Variants in RAP1A observed in about 807,000 individuals in gnomAD.
RAP1A encodes ras-related protein Rap-1A.
A neutral mutation model predicts 26.4 loss-of-function variants in RAP1A; 6 were observed. The observed-to-expected ratio is 0.23, with a 90% CI of 0.12 to 0.45. RAP1A has a LOEUF of 0.45. Among genes scored for constraint, RAP1A ranks in the 20% least tolerant of loss-of-function variants. The pLI, the probability that RAP1A is intolerant of heterozygous loss-of-function variation, is 0.99. For missense variants in RAP1A, 121 were observed against 217.2 expected (o/e 0.56, Z 2.78); for synonymous variants, 73 against 79.4 (o/e 0.92, Z 0.43).
intron 1 of RAP1A, among the ~76,000 whole-genome samples, chr1:111,634,672 G>T (rs1193931073): frequency 6.6e-6 from 1 of 151,638 alleles, no homozygotes; most frequent in Non-Finnish European, 1.5e-5. Context: ...TCGAGATGGA[G>T]TCTCACTCTG....
intron 1 of RAP1A, among the ~76,000 whole-genome samples, chr1:111,583,876 C>CTTTTTT (rs71099920): frequency 3.3e-5 from 3 of 90,112 alleles, no homozygotes; most frequent in African/African-American, 1.1e-4. Context: ...ATTGTTATTT[C>CTTTTTT]TTTTTTTTTT....
chr1:111,555,362 T>TAAAAAAAAAAAAAAAAAAAAAAAA (rs397981230), intron 1 of RAP1A, among the ~76,000 whole-genome samples: 1 of 47,650 alleles, frequency 2.1e-5, no homozygotes, highest in African/African-American at 1.2e-4. Context: ...TGAGACTCTG[T>TAAAAAAAAAAAAAAAAAAAAAAAA]AAAAAAAAAA....
intron 1 of RAP1A, among the ~76,000 whole-genome samples, chr1:111,622,505 A>G (rs757561223): frequency 1.3e-5 from 2 of 152,208 alleles, no homozygotes; most frequent in Non-Finnish European, 2.9e-5. Context: ...TCTCTGCACC[A>G]GTCTCAGGTC....
At chr1:111,677,913 G>T (rs765339054) in intron 1 of RAP1A, among the ~76,000 whole-genome samples, 26 of 152,218 alleles carry the variant, frequency 1.7e-4, no homozygotes, top group Non-Finnish European at 3.1e-4. Flanking sequence ...GAGCTGTCTT[G>T]CAGGATGGGG....
intron 1 of RAP1A, chr1:111,686,462 A>C (rs1661481451): frequency 6.6e-6 from 1 of 151,958 alleles, no homozygotes. Context: ...ACTTGTGCCC[A>C]GGAGTTTGAG....
chr1:111,552,953 A>G (rs1323857165), intron 1 of RAP1A, among the ~76,000 whole-genome samples: 1 of 152,238 alleles, frequency 6.6e-6, no homozygotes, highest in Non-Finnish European at 1.5e-5. Context: ...ATTTATTAAG[A>G]TTATATACTC....
chr1:111,649,591 C>T (rs1298015604), intron 1 of RAP1A: 2 of 218,802 alleles, frequency 9.1e-6, no homozygotes, highest in East Asian at 1.1e-4. Context: ...CAGGCTTTGC[C>T]GACGACCAGA....
intron 1 of RAP1A, among the ~76,000 whole-genome samples, chr1:111,587,495 A>C (rs555318971): frequency 2.0e-5 from 3 of 152,126 alleles, no homozygotes; most frequent in Non-Finnish European, 2.9e-5. Flanking sequence ...CGCCTCAGGA[A>C]ACTGTTACTC....
chr1:111,642,597 C>T (rs1467456443), intron 1 of RAP1A, among the ~76,000 whole-genome samples: 3 of 151,842 alleles, frequency 2.0e-5, no homozygotes, highest in Non-Finnish European at 4.4e-5. Flanking sequence ...ACGCCATTCT[C>T]CTGCGTCAGC....
intron 6 of RAP1A, among the ~76,000 whole-genome samples, chr1:111,705,115 C>A (rs1489417250): frequency 6.6e-6 from 1 of 152,128 alleles, no homozygotes; most frequent in African/African-American, 2.4e-5. Flanking sequence ...GTGTAAAGGG[C>A]CAACAGTTTA....
chr1:111,673,927 A>G (rs780535636), intron 1 of RAP1A, among the ~76,000 whole-genome samples: 58 of 152,300 alleles, frequency 3.8e-4, no homozygotes, highest in South Asian at 8.3e-4. Flanking sequence ...AAAATTTTCT[A>G]TACATACTCT....
upstream of RAP1A, among the ~76,000 whole-genome samples, chr1:111,618,712 G>A (rs546923959): frequency 2.0e-5 from 3 of 152,130 alleles, no homozygotes; most frequent in East Asian, 3.9e-4. Flanking sequence ...AAGTGGCACC[G>A]CCATTAACTC....
chr1:111,594,267 A>G (rs529094559), intron 1 of RAP1A, among the ~76,000 whole-genome samples: 31 of 152,308 alleles, frequency 2.0e-4, no homozygotes, highest in African/African-American at 7.5e-4. Context: ...CCCTGCAAAG[A>G]AAGATTCACA....
At chr1:111,701,219 T>G (rs192522219) in intron 4 of RAP1A, among the ~76,000 whole-genome samples, 65 of 152,292 alleles carry the variant, frequency 4.3e-4, no homozygotes, top group Non-Finnish European at 7.8e-4. Context: ...AATGTTTCAA[T>G]GAATCCAGCC....
intron 1 of RAP1A, among the ~76,000 whole-genome samples, chr1:111,667,631 A>G (rs1405955256): frequency 6.6e-6 from 1 of 151,910 alleles, no homozygotes; most frequent in Non-Finnish European, 1.5e-5. Flanking sequence ...GCAGTGAGCC[A>G]AGATCGCGCC....
chr1:111,622,856 A>G (rs968902595), intron 1 of RAP1A, among the ~76,000 whole-genome samples: 2 of 152,106 alleles, frequency 1.3e-5, no homozygotes, highest in African/African-American at 2.4e-5. Context: ...ACAGTCTGTC[A>G]TTGTTTGTAT....
rs193190744 is a variant in RAP1A at position 111,652,449 on chromosome 1, T to G, written c.-28+32515T>G. Among the ~76,000 whole-genome samples, 267 of 151,906 alleles carry G rather than the reference T, an allele frequency of 1.8e-3. 1 individual carries two copies. Among genetic ancestry groups the G allele is most frequent in the African/African-American group, 5.3e-3 (222 of 41,504 alleles). Reference sequence around the variant, plus strand: ...GTCCAAGACCTGTTTTGTATGGCCCTCAAGCTAAGAATGGTTTTTACTTTT... The same window carrying G: ...GTCCAAGACCTGTTTTGTATGGCCCGCAAGCTAAGAATGGTTTTTACTTTT... On this transcript the variant is annotated intron_variant, in intron 1 of 7. Coordinates refer to ENST00000369709, the MANE Select transcript of RAP1A (RefSeq NM_002884.4).
intron 1 of RAP1A, among the ~76,000 whole-genome samples, chr1:111,611,931 C>T (rs888243674): frequency 2.0e-5 from 3 of 152,030 alleles, no homozygotes; most frequent in Admixed American, 6.5e-5. Context: ...AATCTAGCAA[C>T]CCTAACCACA....
intron 1 of RAP1A, among the ~76,000 whole-genome samples, chr1:111,613,113 G>C (rs1658952511): frequency 6.6e-6 from 1 of 150,894 alleles, no homozygotes; most frequent in African/African-American, 2.4e-5. Flanking sequence ...TACATCATAA[G>C]ATCAGTGGTA....
Sources: allele counts gnomAD v4.1 joint callset (sites outside exome capture counted in the v4.1 genomes callset), GRCh38; gene constraint gnomAD v4.1.1; transcripts MANE v1.5; gene names NCBI Gene and HGNC (gene_info 2026-07-23, HGNC 2026-07-21).